GNAQ: variants seen among roughly 807,000 people sequenced by gnomAD.
GNAQ encodes guanine nucleotide-binding protein G(q) subunit alpha.
A neutral mutation model predicts 43.9 loss-of-function variants in GNAQ; 8 were observed. That is an observed-to-expected ratio of 0.18 (90% CI 0.11 to 0.33). The LOEUF (loss-of-function observed/expected upper bound fraction) is 0.33. GNAQ is among the 10% of genes least tolerant of loss of function. The probability of loss-of-function intolerance (pLI) is 1.00; values close to 1 mark genes in which losing one functional copy is unlikely to be tolerated. For synonymous variants in GNAQ, 155 were observed against 170.7 expected (o/e 0.91, Z 0.71); for missense variants, 158 against 450.8 (o/e 0.35, Z 5.88).
rs935109529 is a variant in GNAQ at position 77,973,971 on chromosome 9, C to T, written c.137-51626G>A. 5.9e-5 allele frequency among the ~76,000 whole-genome samples: 9 copies of T among 152,184 alleles called. 1 individual carries two copies. The Middle Eastern group carries it at 0.01, about 173-fold the overall frequency. ...TTTCTCATATGGTGAATACTATATA[C>T]TTAGATTCTTACAAAAACCTAGAAG... On this transcript the variant is annotated intron_variant, in intron 1 of 6. Transcript: ENST00000286548.
chr9:77,853,357 G>A (rs1053145016), intron 2 of GNAQ, among the ~76,000 whole-genome samples: 2 of 152,248 alleles, frequency 1.3e-5, no homozygotes, highest in South Asian at 2.1e-4. Context: ...ATGAAATGAT[G>A]TATATAAATA....
At chr9:77,934,317 A>C (rs1289768991) in intron 1 of GNAQ, among the ~76,000 whole-genome samples, 1 of 152,202 alleles carries the variant, frequency 6.6e-6, no homozygotes, top group Non-Finnish European at 1.5e-5. Context: ...ACAACTATTA[A>C]ATTTCTCACG....
chr9:77,859,691 T>C (rs1247645495), intron 2 of GNAQ, among the ~76,000 whole-genome samples: 1 of 152,178 alleles, frequency 6.6e-6, no homozygotes, highest in East Asian at 1.9e-4. Flanking sequence ...GTTTATAGAT[T>C]TGGACAGACT....
intron 5 of GNAQ, among the ~76,000 whole-genome samples, chr9:77,751,488 T>C (rs747039658): frequency 2.0e-5 from 3 of 152,256 alleles, no homozygotes; most frequent in Non-Finnish European, 2.9e-5. Flanking sequence ...CTTAAGATAG[T>C]TGAGTGTACT....
chr9:77,857,840 T>G (rs1436206448), intron 2 of GNAQ, among the ~76,000 whole-genome samples: 1 of 150,720 alleles, frequency 6.6e-6, no homozygotes, highest in African/African-American at 2.4e-5. Context: ...AAAAACAATT[T>G]ATAGGTAAAA....
At chr9:77,756,280 T>TACTA (rs1426252992) in intron 5 of GNAQ, among the ~76,000 whole-genome samples, 1 of 152,202 alleles carries the variant, frequency 6.6e-6, no homozygotes, top group Non-Finnish European at 1.5e-5. Flanking sequence ...TAGAGAACCC[T>TACTA]ACTACAACAT....
At chr9:77,731,591 C>A (rs1825489783) in intron 5 of GNAQ, among the ~76,000 whole-genome samples, 1 of 152,206 alleles carries the variant, frequency 6.6e-6, no homozygotes, top group African/African-American at 2.4e-5. Context: ...TCTGAGGGGA[C>A]ACTCCAGGAA....
Position 77,770,905 on chromosome 9 carries a change from GAAAAATAAAACATTTTTCATTTTCTGAA to G in GNAQ, c.735+23530_735+23557del, listed in dbSNP as rs1369659763. ...TTAAGATTTTTATTTTTCAGATCAT[GAAAAATAAAACATTTTTCATTTTCTGAA>G]AAAAATAAAACATTTTTCATTTTCT... On this transcript the variant is annotated intron_variant, in intron 5 of 6. Transcript: ENST00000286548. Among the ~76,000 whole-genome samples the G allele has an allele frequency of 4.6e-5, 7 of 151,958 alleles. No homozygotes were observed. In the South Asian group the frequency reaches 1.0e-3, roughly 23 times the overall value.
rs368906365 is a variant in GNAQ at position 77,815,690 on chromosome 9, A to G, written c.402T>C (p.Ser134=). The part of the protein sequence containing the change: ...FENPYVDAIK[S]LWNDPGIQEC... The stretch of plus-strand genomic sequence containing the variant: ...CCTGGATTCCAGGATCATTCCATAA[A>G]CTCTTTATTGCATCTACATATGGAT... The change falls in exon 3 of 7, where the codon AGT becomes AGC. Residue 134 remains serine, a synonymous_variant. Transcript: ENST00000286548. 8.8e-6 allele frequency: 14 copies of G among 1,595,852 alleles called. No homozygotes were observed. In the African/African-American group the frequency reaches 1.5e-4, roughly 17 times the overall value.
At chr9:77,777,794 A>G (rs1465077634) in intron 5 of GNAQ, among the ~76,000 whole-genome samples, 1 of 152,062 alleles carries the variant, frequency 6.6e-6, no homozygotes, top group African/African-American at 2.4e-5. Flanking sequence ...TAGGATGGCT[A>G]AAATAAAAAA....
chr9:77,884,823 A>G lies in GNAQ; in HGVS notation c.321+37338T>C, dbSNP rs138003740. ...TGGGAGAGGTCAATGCCCCAAGGGC[A>G]CTGTGAGTTAAGAAACTGGTCAAGA... is the stretch of plus-strand genomic sequence containing the variant. On this transcript the variant is annotated intron_variant, in intron 2 of 6. Coordinates refer to ENST00000286548, the MANE Select transcript of GNAQ (RefSeq NM_002072.5). Among the ~76,000 whole-genome samples the G allele has an allele frequency of 2.0e-3, 308 of 152,362 alleles. 7 individuals are homozygous for G. The South Asian group carries it at 0.02, about 10-fold the overall frequency.
chr9:77,988,587 G>C (rs886322374), intron 1 of GNAQ, among the ~76,000 whole-genome samples: 4 of 152,174 alleles, frequency 2.6e-5, no homozygotes, highest in African/African-American at 9.7e-5. Flanking sequence ...TAGGAAGCAT[G>C]GTACATATTA....
At chr9:77,806,356 A>T (rs1029490401) in intron 3 of GNAQ, among the ~76,000 whole-genome samples, 1 of 152,196 alleles carries the variant, frequency 6.6e-6, no homozygotes, top group Non-Finnish European at 1.5e-5. Flanking sequence ...TAATTTACAC[A>T]TATTTATTGG....
At chr9:77,775,196 ATTAT>A (rs1826288457) in intron 5 of GNAQ, among the ~76,000 whole-genome samples, 1 of 152,142 alleles carries the variant, frequency 6.6e-6, no homozygotes, top group Admixed American at 6.5e-5. Context: ...GGATAATTTA[ATTAT>A]TTTCATTGTT....
At chr9:77,891,820 A>G (rs990326359) in intron 2 of GNAQ, among the ~76,000 whole-genome samples, 1 of 152,198 alleles carries the variant, frequency 6.6e-6, no homozygotes, top group Non-Finnish European at 1.5e-5. Context: ...GTATTCCTTT[A>G]GTGTCTAAGC....
chr9:77,906,342 TA>T (rs1828708257), intron 2 of GNAQ, among the ~76,000 whole-genome samples: 1 of 152,160 alleles, frequency 6.6e-6, no homozygotes, highest in African/African-American at 2.4e-5. Flanking sequence ...AAAACACTAA[TA>T]AAACTGAGTT....
intron 2 of GNAQ, among the ~76,000 whole-genome samples, chr9:77,832,003 T>C (rs1827305780): frequency 6.6e-6 from 1 of 152,110 alleles, no homozygotes; most frequent in Admixed American, 6.5e-5. Flanking sequence ...CATGTGCTCT[T>C]CTCACCTGAG....
At chr9:78,020,557 G>C (rs891297525) in intron 1 of GNAQ, among the ~76,000 whole-genome samples, 1 of 152,166 alleles carries the variant, frequency 6.6e-6, no homozygotes, top group African/African-American at 2.4e-5. Context: ...CAGTGGATGT[G>C]ACAATGAGGA....
At chr9:77,763,787 G>A (rs187620008) in intron 5 of GNAQ, among the ~76,000 whole-genome samples, 3 of 152,306 alleles carry the variant, frequency 2.0e-5, no homozygotes, top group East Asian at 3.9e-4. Flanking sequence ...GTAATGCAGA[G>A]GCAGTTTACT....
Sources: gnomAD v4.1 joint callset for allele counts (sites outside exome capture counted in the v4.1 genomes callset) on GRCh38, gnomAD v4.1.1 for gene constraint, MANE v1.5 for transcripts, NCBI Gene and HGNC (gene_info 2026-07-23, HGNC 2026-07-21) for gene names.